ETF1: variants seen among roughly 807,000 people sequenced by gnomAD.
ETF1 encodes the protein eukaryotic peptide chain release factor subunit 1.
ETF1 carries 4 observed loss-of-function variants against 55.1 expected under a neutral mutation model. That is an observed-to-expected ratio of 0.07 (90% CI 0.04 to 0.17). ETF1 has a LOEUF of 0.17. Ranked by LOEUF, ETF1 falls within the 10% of genes least tolerant of loss-of-function variation. The pLI is 1.00. For missense variants in ETF1, 142 were observed against 523.6 expected (o/e 0.27, Z 7.11); for synonymous variants, 157 against 182.3 (o/e 0.86, Z 1.12).
chr5:138,523,039 C>T (rs900262103), intron 2 of ETF1, among the ~76,000 whole-genome samples: 4 of 151,166 alleles, frequency 2.6e-5, no homozygotes, highest in Non-Finnish European at 4.4e-5. Context: ...ACAAAAAAAC[C>T]CTTACACTAC....
chr5:138,532,202 CTG>C (rs1384967991), intron 2 of ETF1, among the ~76,000 whole-genome samples: 9 of 152,290 alleles, frequency 5.9e-5, no homozygotes, highest in Admixed American at 2.6e-4. Context: ...GTTTTATTCA[CTG>C]TGTGTTTTCC....
At chr5:138,518,531 C>CA (rs1561834466) in intron 3 of ETF1, among the ~76,000 whole-genome samples, 161 bp downstream of exon 3, 1 of 151,890 alleles carries the variant, frequency 6.6e-6, no homozygotes, top group African/African-American at 2.4e-5. Context: ...TTTCAATAAA[C>CA]AAAAAACAAA....
At chr5:138,517,741 C>A (rs371076879) in intron 3 of ETF1, 41 bp from the exon 4 acceptor site, 44 of 1,380,140 alleles carry the variant, frequency 3.2e-5, no homozygotes, top group Non-Finnish European at 3.9e-5. Flanking sequence ...TACCCCATAT[C>A]TAGTTTTTCG....
intron 2 of ETF1, among the ~76,000 whole-genome samples, chr5:138,533,620 T>A (rs1765793136): frequency 1.3e-5 from 2 of 152,036 alleles, no homozygotes; most frequent in South Asian, 4.2e-4. Flanking sequence ...TGGGAGGCAG[T>A]GGTTGCGGTG....
intron 2 of ETF1, among the ~76,000 whole-genome samples, chr5:138,532,741 C>T (rs1765755969): frequency 6.6e-6 from 1 of 152,092 alleles, no homozygotes; most frequent in Admixed American, 6.5e-5. Flanking sequence ...AATAATATGG[C>T]CAGAACACTG....
At chr5:138,510,003 T>C (rs1764702803) in intron 9 of ETF1, among the ~76,000 whole-genome samples, 3 of 148,088 alleles carry the variant, frequency 2.0e-5, no homozygotes, top group African/African-American at 7.5e-5. Context: ...GAGGTTATAG[T>C]GAGCTATGAT....
chr5:138,529,953 G>C (rs1765627403), intron 2 of ETF1, among the ~76,000 whole-genome samples: 1 of 152,036 alleles, frequency 6.6e-6, no homozygotes, highest in African/African-American at 2.4e-5. Context: ...AGGCTGCCCA[G>C]GCTGGTCACG....
At chr5:138,521,027 C>A (rs1409197653) in intron 2 of ETF1, among the ~76,000 whole-genome samples, 1 of 152,204 alleles carries the variant, frequency 6.6e-6, no homozygotes, top group African/African-American at 2.4e-5. Flanking sequence ...CGGGGACTTA[C>A]ACACCAATGT....
chr5:138,519,142 TA>T, intron 2 of ETF1: 1 of 984,356 alleles, frequency 1.0e-6, no homozygotes, highest in South Asian at 4.7e-5. Flanking sequence ...CCTCATTTCC[TA>T]AAGAAAGAAG....
rs112347538 is a variant in ETF1 at position 138,532,784 on chromosome 5, T to C, written c.86+10049A>G. On this transcript the variant is annotated intron_variant, in intron 2 of 10. Transcript: ENST00000360541. Reference sequence around the variant, plus strand: ...TGTAATTTATCATAAGGGAGAACCATAGAAATTCATTCCTTTCTAAAACTT... The same window carrying C: ...TGTAATTTATCATAAGGGAGAACCACAGAAATTCATTCCTTTCTAAAACTT... 4.8e-3 allele frequency among the ~76,000 whole-genome samples: 728 copies of C among 152,282 alleles called. 5 individuals carry two copies. The highest frequency in any genetic ancestry group is 0.036 in the South Asian group (173 of 4,816).
At chr5:138,508,913 C>T in intron 9 of ETF1, 97 bp from the exon 10 acceptor site, 1 of 1,511,560 alleles carries the variant, frequency 6.6e-7, no homozygotes, top group Non-Finnish European at 8.8e-7. Flanking sequence ...TCACTCTCAT[C>T]CTCCCATTTA....
chr5:138,519,821 CA>C (rs1765164139), intron 2 of ETF1, among the ~76,000 whole-genome samples: 1 of 152,192 alleles, frequency 6.6e-6, no homozygotes, highest in South Asian at 2.1e-4. Context: ...AAAACGGGAC[CA>C]AAATCTGACC....
At chr5:138,541,583 C>T in intron 2 of ETF1, 1 of 1,533,278 alleles carries the variant, frequency 6.5e-7, no homozygotes, top group Non-Finnish European at 8.7e-7. Flanking sequence ...TAATGAAGAG[C>T]TTGGAGGGGC....
intron 2 of ETF1, among the ~76,000 whole-genome samples, chr5:138,534,559 T>C (rs1765836455): frequency 1.3e-5 from 2 of 152,246 alleles, no homozygotes; most frequent in Admixed American, 1.3e-4. Flanking sequence ...ATGTTCAGTA[T>C]CCAAGTTCTT....
intron 2 of ETF1, among the ~76,000 whole-genome samples, chr5:138,536,773 T>C (rs1179929263): frequency 6.6e-6 from 1 of 152,132 alleles, no homozygotes; most frequent in East Asian, 1.9e-4. Flanking sequence ...ACACTAACTT[T>C]TTTAACAATG....
intron 2 of ETF1, among the ~76,000 whole-genome samples, chr5:138,522,581 T>TAA (rs200019732): frequency 3.5e-5 from 5 of 140,864 alleles, no homozygotes; most frequent in South Asian, 2.2e-4. Context: ...TTCATAATAG[T>TAA]AAAAAAAAAA....
At chr5:138,512,149 A>G (rs1764809118) in intron 6 of ETF1, among the ~76,000 whole-genome samples, 1 of 128,960 alleles carries the variant, frequency 7.8e-6, no homozygotes, top group African/African-American at 2.9e-5. Flanking sequence ...GCAGTGAGCC[A>G]TGATTGCCAC....
chr5:138,514,794 C>T (rs189902104), intron 4 of ETF1, among the ~76,000 whole-genome samples: 1 of 152,182 alleles, frequency 6.6e-6, no homozygotes, highest in East Asian at 1.9e-4. Context: ...AACTTTATAT[C>T]CCTTTATGCC....
chr5:138,524,793 G>A (rs1014149287), intron 2 of ETF1, among the ~76,000 whole-genome samples: 11 of 151,862 alleles, frequency 7.2e-5, no homozygotes, highest in African/African-American at 2.7e-4. Flanking sequence ...GGCCAGGATG[G>A]TCTTGATCTC....
Sources: gnomAD v4.1 joint callset for allele counts (sites outside exome capture counted in the v4.1 genomes callset) on GRCh38, gnomAD v4.1.1 for gene constraint, MANE v1.5 for transcripts, NCBI Gene and HGNC (gene_info 2026-07-23, HGNC 2026-07-21) for gene names.